NAPEPLD: variants seen among roughly 807,000 people sequenced by gnomAD.
NAPEPLD encodes the protein N-acyl phosphatidylethanolamine phospholipase D.
NAPEPLD carries 23 observed loss-of-function variants against 38.1 expected under a neutral mutation model. The ratio of observed to expected loss-of-function variants is 0.60; its 90% CI spans 0.43 to 0.86. NAPEPLD has a LOEUF of 0.86. Ranked by LOEUF, NAPEPLD falls within the 40% of genes least tolerant of loss-of-function variation. The pLI is 0.00. For missense variants in NAPEPLD, 411 were observed against 476.8 expected (o/e 0.86, Z 1.28); for synonymous variants, 147 against 162.0 (o/e 0.91, Z 0.71).
At chr7:103,128,893 TA>T in intron 1 of NAPEPLD, 101 bp from the exon 2 acceptor site, 1 of 1,218,442 alleles carries the variant, frequency 8.2e-7, no homozygotes, top group South Asian at 1.6e-5. Context: ...TCTAAACTTA[TA>T]AAAATATTAT....
chr7:103,126,585 C>T (rs983736849), intron 2 of NAPEPLD, among the ~76,000 whole-genome samples: 2 of 131,506 alleles, frequency 1.5e-5, no homozygotes, highest in African/African-American at 5.3e-5. Context: ...CAGGGGCCAC[C>T]TCCTCAGAAT....
intron 4 of NAPEPLD, among the ~76,000 whole-genome samples, chr7:103,108,655 C>A (rs982094623): frequency 5.9e-5 from 9 of 152,128 alleles, no homozygotes; most frequent in African/African-American, 1.7e-4. Context: ...TTGCAAAGAC[C>A]ATCAACACTA....
At chr7:103,123,945 T>G (rs1055406947) in intron 2 of NAPEPLD, among the ~76,000 whole-genome samples, 2 of 152,202 alleles carry the variant, frequency 1.3e-5, no homozygotes, top group Non-Finnish European at 2.9e-5. Flanking sequence ...TATACATATG[T>G]CAAAACTCAT....
At chr7:103,112,825 T>A (rs1804806789) in intron 4 of NAPEPLD, among the ~76,000 whole-genome samples, 1 of 152,118 alleles carries the variant, frequency 6.6e-6, no homozygotes, top group Non-Finnish European at 1.5e-5. Flanking sequence ...AACTAACTCA[T>A]AGTTATGAGG....
chr7:103,125,272 T>C (rs547483993), intron 2 of NAPEPLD, among the ~76,000 whole-genome samples: 3 of 152,372 alleles, frequency 2.0e-5, no homozygotes, highest in South Asian at 4.1e-4. Flanking sequence ...AATTAATTAT[T>C]GATGCCAATG....
chr7:103,133,149 C>G (rs952052501), intron 1 of NAPEPLD, among the ~76,000 whole-genome samples: 1 of 152,026 alleles, frequency 6.6e-6, no homozygotes, highest in Non-Finnish European at 1.5e-5. Flanking sequence ...TCTAACCTTA[C>G]CCACACTCTC....
intron 4 of NAPEPLD, among the ~76,000 whole-genome samples, chr7:103,111,450 A>G (rs1039337215): frequency 5.9e-5 from 9 of 152,352 alleles, no homozygotes; most frequent in Non-Finnish European, 1.0e-4. Context: ...CTCAGAAGTA[A>G]CACCACACAT....
intron 2 of NAPEPLD, among the ~76,000 whole-genome samples, chr7:103,121,139 G>A (rs189353641): frequency 1.1e-4 from 17 of 152,164 alleles, no homozygotes; most frequent in South Asian, 6.2e-4. Flanking sequence ...TCAAACCAAC[G>A]TGAATATGAT....
At chr7:103,149,626 G>A (rs951659926), upstream of NAPEPLD, 2 of 510,814 alleles carry the variant, frequency 3.9e-6, no homozygotes, top group Non-Finnish European at 5.7e-6. Flanking sequence ...AGCCATCTTG[G>A]TAAAGGAAGC....
chr7:103,149,236 G>A, upstream of NAPEPLD: 2 of 995,598 alleles, frequency 2.0e-6, no homozygotes, highest in Non-Finnish European at 2.4e-6. Context: ...CCGCGGGCGC[G>A]CGGCCAGAGC....
chr7:103,104,319 G>A (rs1802870393), intron 4 of NAPEPLD, among the ~76,000 whole-genome samples: 1 of 152,206 alleles, frequency 6.6e-6, no homozygotes, highest in Non-Finnish European at 1.5e-5. Context: ...CAGGTAGGTG[G>A]TATTTGAAGC....
chr7:103,131,985 G>A (rs1359728154), intron 1 of NAPEPLD, among the ~76,000 whole-genome samples: 4 of 152,256 alleles, frequency 2.6e-5, no homozygotes, highest in South Asian at 2.1e-4. Context: ...GTGGTGGCGC[G>A]TGCCTGCAGT....
rs1802467738 is a variant in NAPEPLD at position 103,101,999 on chromosome 7, T to TCCCACCC, written c.*1429_*1430insGGGTGGG. 8.0e-6 allele frequency: 1 copy of TCCCACCC among 124,676 alleles called. No individual in the cohort carries two copies. Among genetic ancestry groups the TCCCACCC allele is most frequent in the Non-Finnish European group, 1.6e-5 (1 of 61,082 alleles). The allele number at this position is 124,676 out of a possible 1,614,324, so 7.7% of individuals were successfully genotyped here. ...AGGACTAAATCTTATGTCAACTGAC[T>TCCCACCC]CCCCCCCCGCCCCCCAACCACTGGC... is the stretch of plus-strand genomic sequence containing the variant. On this transcript the variant is annotated 3_prime_UTR_variant, in exon 5 of 5. Transcript: ENST00000465647.
At chr7:103,107,384 C>G (rs1269555974) in intron 4 of NAPEPLD, among the ~76,000 whole-genome samples, 4 of 152,026 alleles carry the variant, frequency 2.6e-5, no homozygotes, top group Admixed American at 2.0e-4. Flanking sequence ...GGGAAGAAAA[C>G]TGGACACAGA....
At position 103,128,478 on chromosome 7, in the gene NAPEPLD, G is replaced by C; in HGVS notation, c.294+5C>G. The C allele has an allele frequency of 6.2e-7, 1 of 1,613,614 alleles. No homozygotes were observed. Among genetic ancestry groups the C allele is most frequent in the Admixed American group, 1.7e-5 (1 of 59,928 alleles). On this transcript the variant is annotated splice_donor_5th_base_variant and intron_variant, in intron 2 of 4. Coordinates refer to ENST00000465647, the MANE Select transcript of NAPEPLD (RefSeq NM_001122838.3). Reference sequence around the variant, plus strand: ...TATAAAGCACTCAAAAAAGCCAAGCGCTACCTCTTTAGAACTTGGAACACT... The same window carrying C: ...TATAAAGCACTCAAAAAAGCCAAGCCCTACCTCTTTAGAACTTGGAACACT...
intron 1 of NAPEPLD, among the ~76,000 whole-genome samples, chr7:103,142,283 T>C (rs1370276602): frequency 2.0e-5 from 3 of 151,762 alleles, no homozygotes; most frequent in African/African-American, 4.8e-5. Flanking sequence ...TACAGTGGGA[T>C]GGGAAGACTA....
intron 3 of NAPEPLD, among the ~76,000 whole-genome samples, chr7:103,116,931 A>C (rs1449988354): frequency 1.3e-5 from 2 of 152,356 alleles, no homozygotes; most frequent in East Asian, 1.9e-4. Context: ...AACATCATCT[A>C]CTTTCATAGA....
chr7:103,146,992 A>G (rs915423078), intron 1 of NAPEPLD, among the ~76,000 whole-genome samples: 1 of 151,832 alleles, frequency 6.6e-6, no homozygotes, highest in Non-Finnish European at 1.5e-5. Context: ...AAGTTATAAT[A>G]CATTATTTAA....
At chr7:103,133,231 C>T (rs573884212) in intron 1 of NAPEPLD, among the ~76,000 whole-genome samples, 137 of 152,284 alleles carry the variant, frequency 9.0e-4, no homozygotes, top group Non-Finnish European at 1.5e-3. Flanking sequence ...CACTTCAGGG[C>T]GACCAACTGC....
Sources: allele counts gnomAD v4.1 joint callset (sites outside exome capture counted in the v4.1 genomes callset), GRCh38; gene constraint gnomAD v4.1.1; transcripts MANE v1.5; gene names NCBI Gene and HGNC (gene_info 2026-07-23, HGNC 2026-07-21).